The following TMPRSS5 variants were observed in gnomAD, a reference collection of about 807,000 sequenced individuals.
The protein encoded by TMPRSS5 is transmembrane protease serine 5.
A neutral mutation model predicts 59.7 loss-of-function variants in TMPRSS5; 45 were observed. The ratio of observed to expected loss-of-function variants is 0.75; its 90% CI spans 0.59 to 0.97. The LOEUF is 0.97. Among genes scored for constraint, TMPRSS5 ranks in the 50% least tolerant of loss-of-function variants. The pLI is 0.00. For missense variants in TMPRSS5, 585 were observed against 596.7 expected (o/e 0.98, Z 0.20); for synonymous variants, 225 against 232.0 (o/e 0.97, Z 0.27).
rs771500595 is a variant in TMPRSS5 at position 113,689,756 on chromosome 11, C to A, written c.1359+9G>T. On this transcript the variant is annotated intron_variant, in intron 12 of 12. Coordinates refer to ENST00000299882, the MANE Select transcript of TMPRSS5 (RefSeq NM_030770.4). Reference sequence around the variant, plus strand: ...AATCTCCCTGCCCTACTCCTGCCCCCACACTCACCTGAGCAGTGTCATGGA... The same window carrying A: ...AATCTCCCTGCCCTACTCCTGCCCCAACACTCACCTGAGCAGTGTCATGGA... The A allele has an allele frequency of 4.4e-6, 7 of 1,608,272 alleles. No homozygotes were observed. Among genetic ancestry groups the A allele is most frequent in the South Asian group, 1.1e-5 (1 of 89,306 alleles).
intron 9 of TMPRSS5, among the ~76,000 whole-genome samples, chr11:113,692,400 G>A (rs1282665263): frequency 1.3e-5 from 2 of 152,200 alleles, no homozygotes; most frequent in Non-Finnish European, 2.9e-5. Flanking sequence ...GTACATGTGA[G>A]CATGTGTGAA....
chr11:113,699,154 C>T (rs1591385444), intron 3 of TMPRSS5, 127 bp from the exon 4 acceptor site: 2 of 958,100 alleles, frequency 2.1e-6, no homozygotes, highest in Admixed American at 4.9e-5. Context: ...GCATAGCGCT[C>T]CATCTCTCTC....
At chr11:113,690,176 G>GGGCCCCCCC in intron 11 of TMPRSS5, 55 bp downstream of exon 11, 2 of 388,228 alleles carry the variant, frequency 5.2e-6, no homozygotes, top group East Asian at 4.7e-5. Flanking sequence ...CAGGCCCCCT[G>GGGCCCCCCC]CCCTCCCACC....
At chr11:113,694,390 G>T in intron 8 of TMPRSS5, 88 bp downstream of exon 8, 2 of 1,411,664 alleles carry the variant, frequency 1.4e-6, no homozygotes, top group Non-Finnish European at 1.9e-6. Flanking sequence ...GGAGACAGTT[G>T]GACACGAACA....
chr11:113,697,357 G>C lies in TMPRSS5; in HGVS notation c.390C>G (p.Arg130=), dbSNP rs780172147. Residue 130 remains arginine, a synonymous_variant, in exon 5 of 13, where the codon CGC becomes CGG. Coordinates refer to ENST00000299882, the MANE Select transcript of TMPRSS5 (RefSeq NM_030770.4). ...AGCCCTCATGGCAGACCAGGAGCCA[G>C]CGTGGCTGATCCCTCACTTGCGCTT... ...LLEAQVRDQP[R]WLLVCHEGWS... The C allele has an allele frequency of 1.2e-6, 2 of 1,613,732 alleles. No homozygotes were observed. The highest frequency in any genetic ancestry group is 2.7e-5 in the African/African-American group (2 of 74,944).
At chr11:113,689,528 A>C (rs1379230507) in intron 12 of TMPRSS5, among the ~76,000 whole-genome samples, 1 of 152,146 alleles carries the variant, frequency 6.6e-6, no homozygotes, top group African/African-American at 2.4e-5. Flanking sequence ...TCGACACAGG[A>C]AATGGTAGAT....
In TMPRSS5 at chr11:113,696,957, T is replaced by G. The variant is rs765520590; in HGVS notation, c.479A>C (p.Lys160Thr). The G allele has an allele frequency of 6.3e-7, 1 of 1,575,366 alleles. No individual in the cohort carries two copies. Among genetic ancestry groups the G allele is most frequent in the East Asian group, 2.3e-5 (1 of 43,368 alleles). ...SLGHLRLTHH[K>T]GVNLTDIKLN... ...TTTGATGTCAGTGAGGTTTACTCCC[T>G]TGTGGTGAGTGAGTCTTGGCAGAAG... Residue 160 changes from lysine to threonine, a missense_variant, in exon 6 of 13, where the codon AAG (lysine) becomes ACG (threonine). By Grantham distance (78) the Lys-to-Thr change is moderately conservative. Coordinates refer to ENST00000299882, the MANE Select transcript of TMPRSS5 (RefSeq NM_030770.4).
At chr11:113,702,854 A>G (rs543589632) in intron 1 of TMPRSS5, among the ~76,000 whole-genome samples, 91 of 152,362 alleles carry the variant, frequency 6.0e-4, no homozygotes, top group African/African-American at 2.0e-3. Context: ...ACAGAAGTCA[A>G]TAACTGAGGT....
In TMPRSS5 at chr11:113,691,051, G is replaced by A. The variant is rs1952766797; in HGVS notation, c.965-112C>T. 1.3e-5 allele frequency: 13 copies of A among 992,330 alleles called. No individual in the cohort carries two copies. In the South Asian group the frequency reaches 2.0e-4, roughly 15 times the overall value. The allele number at this position is 992,330 out of a possible 1,614,324, so 61.5% of individuals were successfully genotyped here. On this transcript the variant is annotated intron_variant, in intron 9 of 12. Transcript: ENST00000299882. Reference sequence around the variant, plus strand: ...TCCTCCTCAGCCCCCTTCTCAAACAGTCCTGGCTCCTGGGTTCCACCAGCC... The same window carrying A: ...TCCTCCTCAGCCCCCTTCTCAAACAATCCTGGCTCCTGGGTTCCACCAGCC...
chr11:113,691,094 A>G (rs917085071), intron 9 of TMPRSS5, 155 bp from the exon 10 acceptor site: 8 of 651,786 alleles, frequency 1.2e-5, no homozygotes, highest in Non-Finnish European at 1.9e-5. Context: ...CTAGATGGCT[A>G]TGCAAGTGGG....
intron 1 of TMPRSS5, among the ~76,000 whole-genome samples, chr11:113,702,804 A>C (rs1277365787): frequency 6.6e-6 from 1 of 152,242 alleles, no homozygotes; most frequent in Non-Finnish European, 1.5e-5. Flanking sequence ...TGCAAGCCCA[A>C]GCCTTGGCAG....
At chr11:113,695,344 A>T in intron 7 of TMPRSS5, 56 bp downstream of exon 7, 1 of 1,594,760 alleles carries the variant, frequency 6.3e-7, no homozygotes, top group Non-Finnish European at 8.6e-7. Flanking sequence ...CACTTGAGGC[A>T]GGGGGAACAC....
chr11:113,697,468 TG>T (rs779580460), intron 4 of TMPRSS5, 50 bp from the exon 5 acceptor site: 24 of 1,597,420 alleles, frequency 1.5e-5, no homozygotes, highest in Middle Eastern at 1.7e-4. Flanking sequence ...GGTGGTAGGG[TG>T]GGACAGGAAG....
At position 113,690,346 on chromosome 11, in the gene TMPRSS5, G is replaced by C; in HGVS notation, c.1091C>G (p.Thr364Arg). Residue 364 changes from threonine to arginine, a missense_variant, in exon 11 of 13, where the codon ACG becomes AGG. Physicochemically the swap from Thr to Arg is moderately conservative, Grantham distance 71. Coordinates refer to ENST00000299882, the MANE Select transcript of TMPRSS5 (RefSeq NM_030770.4). ...HTYSSDMLQDTVVPLFSTQLC... is the reference protein window; with the variant it reads ...HTYSSDMLQDRVVPLFSTQLC... ...CTGAGTGCTGAACAAGGGCACCACCGTGTCCTGGAGCATATCCGAGCTGTA... is the reference window on the plus strand; with the variant it reads ...CTGAGTGCTGAACAAGGGCACCACCCTGTCCTGGAGCATATCCGAGCTGTA... 1 of 1,605,368 alleles carries C rather than the reference G, an allele frequency of 6.2e-7. No homozygotes were observed. The highest frequency in any genetic ancestry group is 8.5e-7 in the Non-Finnish European group (1 of 1,176,768).
At chr11:113,690,156 CAAG>C in intron 11 of TMPRSS5, 72 bp downstream of exon 11, 1 of 1,488,520 alleles carries the variant, frequency 6.7e-7, no homozygotes, top group Non-Finnish European at 8.9e-7. Context: ...GGCAGGGGGC[CAAG>C]TCACAGCAGG....
rs114930010 is a variant in TMPRSS5 at position 113,688,329 on chromosome 11, G to A, written c.1360-55C>T. 1.6e-3 allele frequency: 2,037 copies of A among 1,276,232 alleles called. 20 individuals carry two copies. In the African/African-American group the frequency reaches 0.025, roughly 16 times the overall value. 79.1% of individuals were successfully genotyped at this position (1,276,232 alleles called of 1,614,324 possible). ...CAGCATGGCTCTACACTAGCCAAGC[G>A]ACTTTTATTTTAGTAAATCACTTAA... On this transcript the variant is annotated intron_variant, in intron 12 of 12. Coordinates refer to ENST00000299882, the MANE Select transcript of TMPRSS5 (RefSeq NM_030770.4).
In TMPRSS5 at chr11:113,700,078, G is replaced by A. The variant is rs1326071459; in HGVS notation, c.94C>T (p.Gln32Ter). ...CAGTCTGGCCTACTGGGATGCTGCTGGTCTCCAGGCTCTGCTCTGAAGATC... is the reference window on the plus strand; with the variant it reads ...CAGTCTGGCCTACTGGGATGCTGCTAGTCTCCAGGCTCTGCTCTGAAGATC... ...PGIFRAEPGD[Q>*]QHPISQAVCW... The change falls in exon 2 of 13, where the codon CAG becomes TAG. Residue 32 changes from glutamine (Q) to a stop codon, truncating the protein, a stop_gained. Transcript: ENST00000299882. LOFTEE classifies it high-confidence loss of function. 1.3e-6 allele frequency: 2 copies of A among 1,567,840 alleles called. No homozygotes were observed. Among genetic ancestry groups the A allele is most frequent in the Admixed American group, 1.9e-5 (1 of 53,036 alleles).
chr11:113,690,176 G>GGCCCACCCCCCCCC, intron 11 of TMPRSS5, 55 bp downstream of exon 11: 1 of 388,228 alleles, frequency 2.6e-6, no homozygotes, highest in Non-Finnish European at 4.2e-6. Flanking sequence ...CAGGCCCCCT[G>GGCCCACCCCCCCCC]CCCTCCCACC....
rs1359550775 is a variant in TMPRSS5, at chr11:113,697,388, A to G, written c.359T>C (p.Leu120Ser). ...VSFRINSEDF[L>S]LEAQVRDQPR... ...CTGATCCCTCACTTGCGCTTCCAGCAAGAAGTCTTCGCTGTTTATTCTGAA... is the reference window on the plus strand; with the variant it reads ...CTGATCCCTCACTTGCGCTTCCAGCGAGAAGTCTTCGCTGTTTATTCTGAA... The change falls in exon 5 of 13, where the codon TTG (leucine) becomes TCG (serine). Residue 120 changes from leucine (L) to serine (S), a missense_variant. Physicochemically the swap from Leu to Ser is moderately radical, Grantham distance 145. Transcript: ENST00000299882. The G allele has an allele frequency of 2.5e-6, 4 of 1,613,734 alleles. No homozygotes were observed. In the African/African-American group the frequency reaches 5.3e-5, roughly 22 times the overall value.
Sources: gnomAD v4.1 joint callset for allele counts (sites outside exome capture counted in the v4.1 genomes callset) on GRCh38, gnomAD v4.1.1 for gene constraint, MANE v1.5 for transcripts, NCBI Gene and HGNC (gene_info 2026-07-23, HGNC 2026-07-21) for gene names.